The following TRAPPC10 variants were observed in gnomAD, a reference collection of about 807,000 sequenced individuals.
TRAPPC10 encodes the protein TRAPP 130 kDa subunit.
In TRAPPC10, 23 loss-of-function variants were observed where a neutral mutation model predicts 125.5. The ratio of observed to expected loss-of-function variants is 0.18; its 90% CI spans 0.13 to 0.26. TRAPPC10 has a LOEUF of 0.26. TRAPPC10 is among the 10% of genes least tolerant of loss of function. TRAPPC10 has a pLI of 1.00. For synonymous variants in TRAPPC10, 509 were observed against 518.0 expected, an observed-to-expected ratio of 0.98 and a Z score of 0.24; for missense variants, 1,123 against 1,308.4, an observed-to-expected ratio of 0.86 and a Z score of 2.19.
intron 6 of TRAPPC10, among the ~76,000 whole-genome samples, chr21:44,062,128 A>G (rs978536310): frequency 6.6e-6 from 1 of 152,340 alleles, no homozygotes; most frequent in African/African-American, 2.4e-5. Context: ...CTTATATTTG[A>G]CATAATTTAT....
intron 6 of TRAPPC10, among the ~76,000 whole-genome samples, chr21:44,061,042 A>AT (rs1359227991): frequency 6.6e-6 from 1 of 151,856 alleles, no homozygotes; most frequent in African/African-American, 2.4e-5. Flanking sequence ...ATTTCAAGCG[A>AT]TTCTCTTGCC....
intron 1 of TRAPPC10, among the ~76,000 whole-genome samples, chr21:44,013,270 T>TA: frequency 1.3e-5 from 2 of 152,292 alleles, no homozygotes; most frequent in East Asian, 3.9e-4. Context: ...GTTTTTCTGT[T>TA]ACGGGAAAAA....
At chr21:44,078,407 G>A (rs1416911908) in intron 11 of TRAPPC10, among the ~76,000 whole-genome samples, 1 of 141,848 alleles carries the variant, frequency 7.0e-6, no homozygotes, top group Non-Finnish European at 1.5e-5. Context: ...GGAGATACAA[G>A]CTATAAGGAA....
intron 3 of TRAPPC10, among the ~76,000 whole-genome samples, chr21:44,051,741 G>A (rs1378890571): frequency 2.0e-5 from 3 of 152,218 alleles, no homozygotes; most frequent in Admixed American, 1.3e-4. Context: ...CACGGCCTTC[G>A]CAGACTTGCG....
At chr21:44,064,927 T>G (rs2036327238) in intron 7 of TRAPPC10, among the ~76,000 whole-genome samples, 1 of 152,138 alleles carries the variant, frequency 6.6e-6, no homozygotes, top group African/African-American at 2.4e-5. Context: ...GAAATGACCC[T>G]CTGGGCTGCC....
chr21:44,013,233 C>T (rs1328687281), intron 1 of TRAPPC10, among the ~76,000 whole-genome samples: 2 of 152,328 alleles, frequency 1.3e-5, no homozygotes, highest in East Asian at 3.9e-4. Context: ...CCCCGCACCC[C>T]TCCTTTAATG....
intron 3 of TRAPPC10, among the ~76,000 whole-genome samples, chr21:44,042,082 A>ATT (rs138861020): frequency 6.6e-6 from 1 of 151,860 alleles, no homozygotes; most frequent in Non-Finnish European, 1.5e-5. Flanking sequence ...AGCTAGTTCG[A>ATT]TTTTTTCCCT....
At chr21:44,079,478 A>G in intron 11 of TRAPPC10, 86 bp from the exon 12 acceptor site, 4 of 1,475,978 alleles carry the variant, frequency 2.7e-6, no homozygotes, top group Non-Finnish European at 3.6e-6. Context: ...GGTCTGGAGG[A>G]TGGAGGCCAA....
intron 20 of TRAPPC10, among the ~76,000 whole-genome samples, chr21:44,095,380 G>A (rs2038862244): frequency 6.6e-6 from 1 of 151,812 alleles, no homozygotes; most frequent in South Asian, 2.1e-4. Context: ...TGCGTAGCTG[G>A]GATTACAGGC....
chr21:44,047,529 A>AGTGTGTGT (rs775813570), intron 3 of TRAPPC10, among the ~76,000 whole-genome samples: 1,898 of 104,398 alleles, frequency 0.018, 19 homozygotes, highest in South Asian at 0.036. Context: ...TCTCTGGGGG[A>AGTGTGTGT]GTATGTGTGT....
rs370503136 is a variant in TRAPPC10 at position 44,063,657 on chromosome 21, T to C, written c.910T>C (p.Leu304=). 155 of 1,614,130 alleles carry C rather than the reference T, an allele frequency of 9.6e-5. No homozygotes were observed. Among genetic ancestry groups the C allele is most frequent in the Non-Finnish European group, 1.2e-4 (147 of 1,180,056 alleles). The change falls in exon 7 of 23, where the codon TTA becomes CTA. Residue 304 remains leucine, a synonymous_variant. Coordinates refer to ENST00000291574, the MANE Select transcript of TRAPPC10 (RefSeq NM_003274.5). The surrounding 1 kb of genome is among the most constrained non-coding windows in gnomAD (Gnocchi z 4.4). ...ESIQRREATL[L]DLRSYLFSRQ... ...GATCCAGAGGCGAGAAGCCACCCTGTTAGATCTGCGCAGTTACCTGTTCTC... is the reference window on the plus strand; with the variant it reads ...GATCCAGAGGCGAGAAGCCACCCTGCTAGATCTGCGCAGTTACCTGTTCTC...
intron 12 of TRAPPC10, 79 bp from the exon 13 acceptor site, chr21:44,079,936 G>A: frequency 1.5e-6 from 2 of 1,311,294 alleles, no homozygotes; most frequent in Non-Finnish European, 2.1e-6. Context: ...CTCTGTGAAG[G>A]CCGTAGGAGA....
intron 2 of TRAPPC10, among the ~76,000 whole-genome samples, chr21:44,033,688 C>T (rs530285153): frequency 6.6e-6 from 1 of 152,070 alleles, no homozygotes; most frequent in East Asian, 1.9e-4. Context: ...TAGTGAAACC[C>T]CTGTCTCTGT....
At chr21:44,039,541 C>T (rs575632535) in intron 3 of TRAPPC10, among the ~76,000 whole-genome samples, 7 of 152,324 alleles carry the variant, frequency 4.6e-5, no homozygotes, top group African/African-American at 7.2e-5. Flanking sequence ...CCACCCTTTA[C>T]GCAGACAGAG....
chr21:44,023,025 CTTTTTTTTTT>C (rs1028804319), intron 1 of TRAPPC10, among the ~76,000 whole-genome samples: 14 of 80,234 alleles, frequency 1.7e-4, no homozygotes, highest in African/African-American at 1.7e-4. Flanking sequence ...TTCCCTATGT[CTTTTTTTTTT>C]TTTTTTTTTT....
chr21:44,050,778 T>C (rs932867721), intron 3 of TRAPPC10, among the ~76,000 whole-genome samples: 17 of 152,268 alleles, frequency 1.1e-4, no homozygotes, highest in African/African-American at 4.1e-4. Context: ...TCAGATTGTA[T>C]GATATTTGTA....
intron 15 of TRAPPC10, among the ~76,000 whole-genome samples, chr21:44,084,620 C>A (rs887908224): frequency 1.3e-5 from 2 of 152,126 alleles, no homozygotes; most frequent in South Asian, 4.1e-4. Context: ...CAGGGATTTC[C>A]CCCTGCCAGC....
At chr21:44,069,114 T>G (rs2036666886) in intron 7 of TRAPPC10, among the ~76,000 whole-genome samples, 1 of 152,140 alleles carries the variant, frequency 6.6e-6, no homozygotes, top group Non-Finnish European at 1.5e-5. Context: ...TGGCAAATAT[T>G]CCTTAAATAG....
chr21:44,089,238 G>A (rs989032194), intron 17 of TRAPPC10: 8 of 320,496 alleles, frequency 2.5e-5, no homozygotes, highest in South Asian at 1.5e-4. Context: ...CTGGCGGCAC[G>A]CACGCTGTGT....
Sources: allele counts gnomAD v4.1 joint callset (sites outside exome capture counted in the v4.1 genomes callset), GRCh38; gene constraint gnomAD v4.1.1; non-coding constraint Gnocchi (gnomAD v3.1); transcripts MANE v1.5; gene names NCBI Gene and HGNC (gene_info 2026-07-23, HGNC 2026-07-21).